Variants in PEX5L observed in about 807,000 individuals in gnomAD.
The protein encoded by PEX5L is PEX5-related protein.
Under a neutral mutation model 84.0 loss-of-function variants are expected in PEX5L, and 30 were observed. The observed-to-expected ratio is 0.36, with a 90% CI of 0.27 to 0.48. PEX5L has a LOEUF of 0.48. Ranked by LOEUF, PEX5L falls within the 20% of genes least tolerant of loss-of-function variation. PEX5L has a pLI of 0.99. For synonymous variants in PEX5L, 270 were observed against 283.1 expected (o/e 0.95, Z 0.46); for missense variants, 533 against 754.6 (o/e 0.71, Z 3.44).
At chr3:179,979,551 G>A (rs1005891210) in intron 1 of PEX5L, among the ~76,000 whole-genome samples, 2 of 152,084 alleles carry the variant, frequency 1.3e-5, no homozygotes, top group African/African-American at 2.4e-5. Flanking sequence ...TGTCATCCCC[G>A]ACACAACAGG....
intron 7 of PEX5L, among the ~76,000 whole-genome samples, chr3:179,865,987 A>G (rs1279547163): frequency 6.6e-6 from 1 of 152,138 alleles, no homozygotes; most frequent in African/African-American, 2.4e-5. Context: ...CCACAGCTAT[A>G]GCAAGCTCCT....
chr3:179,963,109 T>G (rs1782476558), intron 2 of PEX5L, among the ~76,000 whole-genome samples: 1 of 152,220 alleles, frequency 6.6e-6, no homozygotes, highest in South Asian at 2.1e-4. Flanking sequence ...ATGTCTCTCT[T>G]GGTGATTACA....
At chr3:179,875,635 G>A (rs1036899462) in intron 5 of PEX5L, among the ~76,000 whole-genome samples, 158 bp from the exon 6 acceptor site, 1 of 152,126 alleles carries the variant, frequency 6.6e-6, no homozygotes, top group Non-Finnish European at 1.5e-5. Flanking sequence ...TTGAACCAAT[G>A]TTCCCAAGCC....
intron 1 of PEX5L, among the ~76,000 whole-genome samples, chr3:180,034,329 C>G (rs926430137): frequency 5.3e-5 from 8 of 152,224 alleles, no homozygotes; most frequent in Non-Finnish European, 1.0e-4. Context: ...TCTGCTTATC[C>G]CTGGTCCACT....
At chr3:179,805,516 T>C (rs1720965319) in intron 14 of PEX5L, among the ~76,000 whole-genome samples, 1 of 149,396 alleles carries the variant, frequency 6.7e-6, no homozygotes, top group Non-Finnish European at 1.5e-5. Flanking sequence ...AAATGCTATG[T>C]ATTTGTCATA....
intron 8 of PEX5L, among the ~76,000 whole-genome samples, chr3:179,857,566 G>T (rs1744488102): frequency 6.6e-6 from 1 of 152,144 alleles, no homozygotes; most frequent in Admixed American, 6.5e-5. Context: ...AATGATTTGT[G>T]AATATATGTA....
At chr3:179,807,641 G>A in intron 14 of PEX5L, 33 bp downstream of exon 14, 1 of 1,601,114 alleles carries the variant, frequency 6.2e-7, no homozygotes, top group Non-Finnish European at 8.5e-7. Flanking sequence ...TCCTGGGCAT[G>A]GCCTTCATCC....
At position 179,801,931 on chromosome 3, in the gene PEX5L, G is replaced by A; in HGVS notation, c.1778C>T (p.Ala593Val). 6.2e-7 allele frequency: 1 copy of A among 1,613,594 alleles called. No individual in the cohort carries two copies. Among genetic ancestry groups the A allele is most frequent in the Non-Finnish European group, 8.5e-7 (1 of 1,179,560 alleles). Residue 593 changes from alanine (A) to valine (V), a missense_variant, in exon 15 of 15, where the codon GCC becomes GTC. Around this residue, in one of 8 missense-constraint regions of PEX5L, gnomAD observed 105 missense variants for 204.6 expected, o/e 0.51. Transcript: ENST00000467460. Reference protein sequence around the residue: ...HPAISGNIWAALRIALSLMDQ... With the variant: ...HPAISGNIWAVLRIALSLMDQ... The stretch of plus-strand genomic sequence containing the variant: ...CATCAGAGAGAGCGCAATTCTGAGG[G>A]CAGCCCAGATATTCCCAGAGATTGC...
At chr3:180,014,016 T>C (rs1252091712) in intron 1 of PEX5L, among the ~76,000 whole-genome samples, 1 of 152,224 alleles carries the variant, frequency 6.6e-6, no homozygotes, top group African/African-American at 2.4e-5. Context: ...ACTGAAGGCA[T>C]TGAGAAGTCT....
chr3:179,965,063 C>T (rs1006561988), intron 2 of PEX5L, among the ~76,000 whole-genome samples: 3 of 152,250 alleles, frequency 2.0e-5, no homozygotes, highest in African/African-American at 7.2e-5. Flanking sequence ...GTGATACACA[C>T]ACATTCTGTG....
intron 4 of PEX5L, among the ~76,000 whole-genome samples, chr3:179,885,561 G>A (rs1046539493): frequency 1.3e-5 from 2 of 151,746 alleles, no homozygotes; most frequent in South Asian, 2.1e-4. Flanking sequence ...CAAGAAAATC[G>A]CTTGAACCCA....
chr3:180,010,246 C>CTGTTTTTTTTTTTTTTTT (rs1789319167), intron 1 of PEX5L, among the ~76,000 whole-genome samples: 1 of 105,180 alleles, frequency 9.5e-6, no homozygotes, highest in Non-Finnish European at 1.9e-5. Flanking sequence ...CACCCGGCCT[C>CTGTTTTTTTTTTTTTTTT]TTTTTTTTTT....
At chr3:180,000,884 C>T (rs1217778776) in intron 1 of PEX5L, among the ~76,000 whole-genome samples, 2 of 151,980 alleles carry the variant, frequency 1.3e-5, no homozygotes, top group African/African-American at 2.4e-5. Flanking sequence ...TATGTGTGAT[C>T]TCAGGAGATA....
intron 2 of PEX5L, among the ~76,000 whole-genome samples, chr3:179,937,907 G>T (rs1026337280): frequency 4.6e-5 from 7 of 152,008 alleles, no homozygotes; most frequent in Non-Finnish European, 1.5e-5. Flanking sequence ...AAAGTGGGGT[G>T]GGATCCACCA....
intron 1 of PEX5L, among the ~76,000 whole-genome samples, chr3:180,024,544 C>CAA (rs59981273): frequency 0.18 from 19,061 of 106,236 alleles, 1,440 homozygotes; most frequent in South Asian, 0.22. Context: ...GACTCCGTTT[C>CAA]AAAAAAAAAA....
intron 2 of PEX5L, among the ~76,000 whole-genome samples, chr3:179,908,016 A>G (rs1374416966): frequency 1.3e-5 from 2 of 152,196 alleles, no homozygotes; most frequent in Non-Finnish European, 2.9e-5. Context: ...GTCTGCAGCT[A>G]AGGTACTCCA....
chr3:179,815,387 C>A (rs1430535386), intron 10 of PEX5L, among the ~76,000 whole-genome samples: 1 of 152,204 alleles, frequency 6.6e-6, no homozygotes, highest in African/African-American at 2.4e-5. Flanking sequence ...GAGTTCGAGA[C>A]CAGCCTGACC....
chr3:179,824,726 A>C (rs1341172913), intron 8 of PEX5L, among the ~76,000 whole-genome samples: 1 of 151,952 alleles, frequency 6.6e-6, no homozygotes, highest in Non-Finnish European at 1.5e-5. Flanking sequence ...AAAAAAAAAA[A>C]AAAGCAGTAC....
intron 1 of PEX5L, among the ~76,000 whole-genome samples, chr3:179,984,909 A>G (rs1233504916): frequency 1.3e-5 from 2 of 152,236 alleles, no homozygotes; most frequent in African/African-American, 4.8e-5. Flanking sequence ...TACTGAGGAA[A>G]TGAATTTTAA....
Sources: gnomAD v4.1 joint callset for allele counts (sites outside exome capture counted in the v4.1 genomes callset) on GRCh38, gnomAD v4.1.1 for gene constraint, gnomAD v4.1.1 regional missense constraint, MANE v1.5 for transcripts, NCBI Gene and HGNC (gene_info 2026-07-23, HGNC 2026-07-21) for gene names.